The following CTIF variants were observed in gnomAD, a reference collection of about 807,000 sequenced individuals.
CTIF encodes the protein cap binding complex dependent translation initiation factor.
Under a neutral mutation model 66.0 loss-of-function variants are expected in CTIF, and 21 were observed. That is an observed-to-expected ratio of 0.32 (90% CI 0.23 to 0.46). The LOEUF (loss-of-function observed/expected upper bound fraction) is 0.46, where lower values mean the gene tolerates loss of function less well. Among genes scored for constraint, CTIF ranks in the 20% least tolerant of loss-of-function variants. The pLI, the probability that CTIF is intolerant of heterozygous loss-of-function variation, is 1.00. For synonymous variants in CTIF, 345 were observed against 326.4 expected, an observed-to-expected ratio of 1.06 and a Z score of -0.62; for missense variants, 739 against 812.7, an observed-to-expected ratio of 0.91 and a Z score of 1.10.
chr18:48,632,413 C>T (rs2090735709), intron 2 of CTIF, among the ~76,000 whole-genome samples: 1 of 152,182 alleles, frequency 6.6e-6, no homozygotes, highest in African/African-American at 2.4e-5. Context: ...TCTGTGGACT[C>T]CACCATCTTG....
chr18:48,763,287 TG>T (rs1909190214), intron 9 of CTIF, among the ~76,000 whole-genome samples: 1 of 152,190 alleles, frequency 6.6e-6, no homozygotes, highest in South Asian at 2.1e-4. Flanking sequence ...ACCCAGGGCA[TG>T]GGGCACTTGG....
At chr18:48,779,119 G>A (rs1169276574) in intron 9 of CTIF, among the ~76,000 whole-genome samples, 3 of 152,240 alleles carry the variant, frequency 2.0e-5, no homozygotes, top group African/African-American at 4.8e-5. Context: ...TGGTGGGGAC[G>A]ATGGTGTTAG....
At chr18:48,829,373 G>A (rs1254823887) in intron 10 of CTIF, among the ~76,000 whole-genome samples, 2 of 152,112 alleles carry the variant, frequency 1.3e-5, no homozygotes, top group Non-Finnish European at 2.9e-5. Flanking sequence ...GGGAGGACTG[G>A]TTGGGAGGGA....
At chr18:48,732,755 T>C (rs1300399257) in intron 7 of CTIF, among the ~76,000 whole-genome samples, 1 of 152,188 alleles carries the variant, frequency 6.6e-6, no homozygotes, top group Non-Finnish European at 1.5e-5. Flanking sequence ...GACCTGCTCC[T>C]GTATGCCCTC....
chr18:48,841,314 CCTT>C (rs1599145753), intron 10 of CTIF, among the ~76,000 whole-genome samples: 1 of 152,134 alleles, frequency 6.6e-6, no homozygotes, highest in African/African-American at 2.4e-5. Flanking sequence ...GGGAGGCCCT[CCTT>C]CTGAGCTGAT....
At chr18:48,652,963 T>C (rs9748406) in intron 3 of CTIF, among the ~76,000 whole-genome samples, 18,518 of 152,188 alleles carry the variant, frequency 0.12, 1,291 homozygotes, top group African/African-American at 0.18. Flanking sequence ...AAACTAGGTA[T>C]TGATGGGATG....
intron 2 of CTIF, among the ~76,000 whole-genome samples, chr18:48,627,893 G>A (rs1297960469): frequency 6.6e-6 from 1 of 152,112 alleles, no homozygotes; most frequent in African/African-American, 2.4e-5. Flanking sequence ...AAACTCTGGT[G>A]TGGGGCATAC....
At chr18:48,576,050 G>T (rs2089523804) in intron 1 of CTIF, among the ~76,000 whole-genome samples, 1 of 152,276 alleles carries the variant, frequency 6.6e-6, no homozygotes, top group African/African-American at 2.4e-5. Context: ...GAAGAACAAT[G>T]CAGGCTTGTG....
At chr18:48,775,931 C>A (rs1910627920) in intron 9 of CTIF, among the ~76,000 whole-genome samples, 1 of 152,242 alleles carries the variant, frequency 6.6e-6, no homozygotes, top group Non-Finnish European at 1.5e-5. Context: ...GTCACTGTAA[C>A]CACACTGGCC....
chr18:48,649,790 A>G (rs1376017478), intron 3 of CTIF, among the ~76,000 whole-genome samples: 2 of 152,202 alleles, frequency 1.3e-5, no homozygotes, highest in Non-Finnish European at 2.9e-5. Flanking sequence ...CTGTTCTGCA[A>G]TATTTGCTGT....
At chr18:48,619,394 G>T (rs1269063040) in intron 1 of CTIF, 144 bp from the exon 2 acceptor site, 1 of 527,868 alleles carries the variant, frequency 1.9e-6, no homozygotes, top group East Asian at 3.3e-5. Flanking sequence ...CCAGCCCCTC[G>T]CTGACTTCTC....
chr18:48,582,758 G>A (rs73956928), intron 1 of CTIF, among the ~76,000 whole-genome samples: 2,535 of 152,196 alleles, frequency 0.017, 67 homozygotes, highest in African/African-American at 0.059. Context: ...CCTCTAGTTC[G>A]TTTAGTCCTT....
At position 48,852,535 on chromosome 18, in the gene CTIF, C is replaced by T. The variant is rs113996126; in HGVS notation, c.1528-5053C>T. Among the ~76,000 whole-genome samples, 732 of 152,268 alleles carry T rather than the reference C, an allele frequency of 4.8e-3. 4 individuals are homozygous for T. Among genetic ancestry groups the T allele is most frequent in the African/African-American group, 0.017 (692 of 41,546 alleles). ...CTTGGGTCCTCTAGATGAGGGAGAC[C>T]GTTGCCTGTGGCCCAAGAAAGTCCC... is the stretch of plus-strand genomic sequence containing the variant. On this transcript the variant is annotated intron_variant, in intron 10 of 11. Transcript: ENST00000256413.
chr18:48,702,141 G>T (rs561570390), intron 6 of CTIF, among the ~76,000 whole-genome samples: 1 of 152,162 alleles, frequency 6.6e-6, no homozygotes. Context: ...GCTAGGATCC[G>T]GGTCACCCAA....
chr18:48,760,822 C>T (rs1199072908), intron 8 of CTIF: 1 of 152,842 alleles, frequency 6.5e-6, no homozygotes, highest in African/African-American at 2.4e-5. Context: ...CTACAGAAGA[C>T]CAGCACAGTC....
At chr18:48,815,881 A>G (rs1429508253) in intron 9 of CTIF, among the ~76,000 whole-genome samples, 2 of 152,110 alleles carry the variant, frequency 1.3e-5, no homozygotes, top group Admixed American at 1.3e-4. Context: ...TGACACAGTC[A>G]CCCAGACCAA....
chr18:48,629,866 A>G (rs2090671049), intron 2 of CTIF, among the ~76,000 whole-genome samples: 1 of 152,176 alleles, frequency 6.6e-6, no homozygotes, highest in Admixed American at 6.5e-5. Context: ...TGAAGAGTAA[A>G]TGTTAGTAAG....
chr18:48,759,791 G>A (rs1049694709), intron 8 of CTIF, among the ~76,000 whole-genome samples: 1 of 152,202 alleles, frequency 6.6e-6, no homozygotes, highest in African/African-American at 2.4e-5. Context: ...GGAAGAGAGG[G>A]GTACATGGGG....
chr18:48,605,169 T>C (rs1022905333), intron 1 of CTIF, among the ~76,000 whole-genome samples: 3 of 152,242 alleles, frequency 2.0e-5, no homozygotes, highest in Non-Finnish European at 4.4e-5. Flanking sequence ...TCATAAGGTT[T>C]ATGTTTAATG....
Sources: allele counts gnomAD v4.1 joint callset (sites outside exome capture counted in the v4.1 genomes callset), GRCh38; gene constraint gnomAD v4.1.1; transcripts MANE v1.5; gene names NCBI Gene and HGNC (gene_info 2026-07-23, HGNC 2026-07-21).